The following FLT1 variants were observed in gnomAD, a reference collection of about 807,000 sequenced individuals.
The protein encoded by FLT1 is vascular endothelial growth factor receptor 1.
In FLT1, 49 loss-of-function variants were observed where a neutral mutation model predicts 156.3. The ratio of observed to expected loss-of-function variants is 0.31; its 90% CI spans 0.25 to 0.40. The LOEUF is 0.40. Ranked by LOEUF, FLT1 falls within the 10% of genes least tolerant of loss-of-function variation. The probability of loss-of-function intolerance (pLI) is 1.00; values close to 1 mark genes in which losing one functional copy is unlikely to be tolerated. For synonymous variants in FLT1, 594 were observed against 583.8 expected (o/e 1.02, Z -0.25); for missense variants, 1,322 against 1,637.2 (o/e 0.81, Z 3.32).
chr13:28,446,953 T>A (rs1233215446), intron 3 of FLT1, among the ~76,000 whole-genome samples: 4 of 152,096 alleles, frequency 2.6e-5, no homozygotes, highest in African/African-American at 9.7e-5. Context: ...ATTAGTGGAA[T>A]AGAATTGAGA....
chr13:28,326,520 C>CTTT (rs58719749), intron 20 of FLT1, among the ~76,000 whole-genome samples: 59 of 80,016 alleles, frequency 7.4e-4, no homozygotes, highest in African/African-American at 1.6e-3. Context: ...CTCTCTCTCT[C>CTTT]TTTTTTTTTT....
At position 28,388,105 on chromosome 13, in the gene FLT1, A is replaced by G. The variant is rs1874479035; in HGVS notation, c.1969+1691T>C. 8.5e-6 allele frequency: 9 copies of G among 1,057,352 alleles called. No individual in the cohort carries two copies. The South Asian group carries it at 4.1e-4, about 48-fold the overall frequency. 65.5% of individuals were successfully genotyped at this position (1,057,352 alleles called of 1,614,324 possible). A position where few individuals can be genotyped will look rare whatever the true frequency, so the allele number is the denominator to read the frequency against. On this transcript the variant is annotated intron_variant, in intron 13 of 29. Coordinates refer to ENST00000282397, the MANE Select transcript of FLT1 (RefSeq NM_002019.4). ...AAGGCATTGTTTCCTGAAGGAACAC[A>G]CTAACTTATAATGAACAAAGAAGCC... is the stretch of plus-strand genomic sequence containing the variant.
At position 28,494,538 on chromosome 13, in the gene FLT1, C is replaced by T. The variant is rs140833074; in HGVS notation, c.64+242G>A. Among the ~76,000 whole-genome samples, 351 of 152,314 alleles carry T rather than the reference C, an allele frequency of 2.3e-3. 3 individuals are homozygous for T. The highest frequency in any genetic ancestry group is 4.1e-3 in the Non-Finnish European group (277 of 68,016). ...CAAACGGACAGCCCCAGCGCGGACC[C>T]GGTCTGAGCGCTGATGCTCGCGGGT... On this transcript the variant is annotated intron_variant, in intron 1 of 29. Coordinates refer to ENST00000282397, the MANE Select transcript of FLT1 (RefSeq NM_002019.4).
At chr13:28,483,688 A>C (rs1171605210) in intron 1 of FLT1, among the ~76,000 whole-genome samples, 1 of 152,208 alleles carries the variant, frequency 6.6e-6, no homozygotes, top group Non-Finnish European at 1.5e-5. Flanking sequence ...CACAGGAGCT[A>C]CGGGGCTTAA....
At chr13:28,346,880 T>C (rs773571785) in intron 15 of FLT1, among the ~76,000 whole-genome samples, 4 of 152,178 alleles carry the variant, frequency 2.6e-5, no homozygotes, top group Admixed American at 1.3e-4. Flanking sequence ...GGGGCAGTAA[T>C]ACTCCAGTTT....
In FLT1 at chr13:28,317,616, A is replaced by C. The variant is rs778318542; in HGVS notation, c.3287-19T>G. On this transcript the variant is annotated intron_variant, in intron 24 of 29. Coordinates refer to ENST00000282397, the MANE Select transcript of FLT1 (RefSeq NM_002019.4). ...GACCCACCTGCGGGAGACAATGTGG[A>C]AAACACAGGGCCTGTTATGGCTTAA... 2.0e-6 allele frequency: 3 copies of C among 1,516,196 alleles called. No homozygotes were observed. The African/African-American group carries it at 4.1e-5, about 21-fold the overall frequency. The allele number at this position is 1,516,196 out of a possible 1,614,324, so 93.9% of individuals were successfully genotyped here.
Position 28,479,126 on chromosome 13 carries a change from A to G in FLT1, c.65-11509T>C, listed in dbSNP as rs566540773. ...TTCACCCACTAACAGGAAAGTTGAGAAGATCTCTATCTTTGCAACCAATAA... is the reference window on the plus strand; with the variant it reads ...TTCACCCACTAACAGGAAAGTTGAGGAGATCTCTATCTTTGCAACCAATAA... On this transcript the variant is annotated intron_variant, in intron 1 of 29. Transcript: ENST00000282397. Among the ~76,000 whole-genome samples the G allele has an allele frequency of 8.9e-4, 135 of 152,322 alleles. 1 individual carries two copies. The highest frequency in any genetic ancestry group is 2.4e-3 in the African/African-American group (100 of 41,568).
chr13:28,312,218 G>T (rs1046705328), intron 25 of FLT1, 120 bp from the exon 26 acceptor site: 4 of 731,608 alleles, frequency 5.5e-6, no homozygotes, highest in Non-Finnish European at 9.8e-6. Context: ...TCTGTACTAT[G>T]TGACCCTGCT....
intron 16 of FLT1, among the ~76,000 whole-genome samples, chr13:28,344,139 C>T (rs1224852711): frequency 1.3e-5 from 2 of 152,144 alleles, no homozygotes; most frequent in Non-Finnish European, 2.9e-5. Context: ...CCAAGGCTTC[C>T]CATTGCTTTT....
chr13:28,463,203 C>G (rs1026437427), intron 3 of FLT1, among the ~76,000 whole-genome samples: 2 of 152,030 alleles, frequency 1.3e-5, no homozygotes, highest in East Asian at 3.9e-4. Context: ...TACTTGGGTA[C>G]TTAAATTGAT....
At chr13:28,405,371 G>C (rs1228336980) in intron 11 of FLT1, among the ~76,000 whole-genome samples, 1 of 152,124 alleles carries the variant, frequency 6.6e-6, no homozygotes, top group Non-Finnish European at 1.5e-5. Flanking sequence ...TTGCTTACTG[G>C]GATCCCACTT....
At chr13:28,415,845 A>C (rs1385290844) in intron 10 of FLT1, among the ~76,000 whole-genome samples, 2 of 152,246 alleles carry the variant, frequency 1.3e-5, no homozygotes, top group Non-Finnish European at 2.9e-5. Context: ...TTCTGGTCCC[A>C]TTCTGATTTC....
At chr13:28,436,742 T>G (rs1037717279) in intron 4 of FLT1, among the ~76,000 whole-genome samples, 12 of 152,322 alleles carry the variant, frequency 7.9e-5, no homozygotes, top group Middle Eastern at 6.8e-3. Context: ...GTTAAACTGT[T>G]AAATAATGCT....
In FLT1 at chr13:28,433,839, T is replaced by C; in HGVS notation, c.793A>G (p.Thr265Ala). 6.2e-7 allele frequency: 1 copy of C among 1,614,058 alleles called. No homozygotes were observed. Residue 265 changes from threonine to alanine, a missense_variant, in exon 6 of 30, where the codon ACC becomes GCC. This residue lies in a region of FLT1 where 991 missense variants were observed against 1,254.8 expected (regional missense o/e 0.79). Coordinates refer to ENST00000282397, the MANE Select transcript of FLT1 (RefSeq NM_002019.4). ...CTCACTTCATCAGGGTAACTCCAGG[T>C]CATTTGAACTCTCGTGTTCAAGGGA... ...TTPLNTRVQM[T>A]WSYPDEKNKR...
rs544827369 is a variant in FLT1 at position 28,371,127 on chromosome 13, T to C, written c.2117-13442A>G. ...AATAAAAGCAAGTCTTAAAATGACA[T>C]ATGGTGTGACCTTAACTCAAATTTT... On this transcript the variant is annotated intron_variant, in intron 14 of 29. Transcript: ENST00000282397. Among the ~76,000 whole-genome samples, 5 of 152,284 alleles carry C rather than the reference T, an allele frequency of 3.3e-5. No homozygotes were observed. The South Asian group carries it at 6.2e-4, about 19-fold the overall frequency.
chr13:28,404,715 T>C (rs781694114), intron 11 of FLT1, among the ~76,000 whole-genome samples: 1 of 152,050 alleles, frequency 6.6e-6, no homozygotes, highest in African/African-American at 2.4e-5. Context: ...ACTTGATATG[T>C]TTTTTCTTTT....
chr13:28,332,439 A>C (rs1871966639), intron 18 of FLT1, among the ~76,000 whole-genome samples: 1 of 152,102 alleles, frequency 6.6e-6, no homozygotes, highest in Non-Finnish European at 1.5e-5. Context: ...CAAGCAGAGA[A>C]ACGGGACTAG....
At chr13:28,357,716 G>A in intron 14 of FLT1, 31 bp from the exon 15 acceptor site, 1 of 1,609,296 alleles carries the variant, frequency 6.2e-7, no homozygotes, top group Non-Finnish European at 8.5e-7. Context: ...AGATTAGTGG[G>A]CCTGGATGAC....
chr13:28,361,580 T>C (rs1443078822), intron 14 of FLT1, among the ~76,000 whole-genome samples: 1 of 152,164 alleles, frequency 6.6e-6, no homozygotes, highest in Admixed American at 6.5e-5. Context: ...GAATTAAGTA[T>C]GAACAAAAGA....
Sources: gnomAD v4.1 joint callset for allele counts (sites outside exome capture counted in the v4.1 genomes callset) on GRCh38, gnomAD v4.1.1 for gene constraint, gnomAD v4.1.1 regional missense constraint, MANE v1.5 for transcripts, NCBI Gene and HGNC (gene_info 2026-07-23, HGNC 2026-07-21) for gene names.